Variants in EBF1 observed in about 807,000 individuals in gnomAD.
The protein encoded by EBF1 is EBF transcription factor 1, also known as transcription factor COE1.
Under a neutral mutation model 68.4 loss-of-function variants are expected in EBF1, and 10 were observed. That is an observed-to-expected ratio of 0.15 (90% CI 0.09 to 0.25). The LOEUF is 0.25. Among genes scored for constraint, EBF1 ranks in the 10% least tolerant of loss-of-function variants. The pLI, the probability that EBF1 is intolerant of heterozygous loss-of-function variation, is 1.00. For missense variants in EBF1, 509 were observed against 794.4 expected (o/e 0.64, Z 4.32); for synonymous variants, 298 against 299.8 (o/e 0.99, Z 0.06).
intron 6 of EBF1, among the ~76,000 whole-genome samples, chr5:158,948,610 C>G (rs552972009): frequency 6.6e-6 from 1 of 152,126 alleles, no homozygotes; most frequent in Non-Finnish European, 1.5e-5. Flanking sequence ...GAAATCTGGA[C>G]GTGGACACCA....
chr5:159,086,308 C>A (rs184978340), intron 4 of EBF1, among the ~76,000 whole-genome samples: 1 of 152,110 alleles, frequency 6.6e-6, no homozygotes, highest in Admixed American at 6.6e-5. Context: ...AATTCTCTTA[C>A]ATAACCACAG....
intron 10 of EBF1, among the ~76,000 whole-genome samples, chr5:158,768,830 G>A (rs758503948): frequency 7.2e-5 from 11 of 152,098 alleles, no homozygotes; most frequent in Non-Finnish European, 1.2e-4. Context: ...ACAGTCAAAA[G>A]CTGAAGGGTT....
At chr5:158,912,749 T>C (rs1310483442) in intron 6 of EBF1, among the ~76,000 whole-genome samples, 1 of 152,220 alleles carries the variant, frequency 6.6e-6, no homozygotes, top group East Asian at 1.9e-4. Flanking sequence ...CCACTATGCC[T>C]AATTCCACCT....
chr5:158,800,999 G>A (rs1448823513), intron 8 of EBF1, among the ~76,000 whole-genome samples: 1 of 152,106 alleles, frequency 6.6e-6, no homozygotes, highest in Admixed American at 6.6e-5. Context: ...CGCAAGGCCA[G>A]TGACCCAATT....
chr5:159,095,622 G>C lies in EBF1; in HGVS notation c.409C>G (p.Gln137Glu). The C allele has an allele frequency of 6.2e-7, 1 of 1,613,898 alleles. No homozygotes were observed. Residue 137 changes from glutamine to glutamate, a missense_variant and splice_region_variant, in exon 4 of 16, where the codon CAA (glutamine) becomes GAA (glutamate). Gln to Glu is a conservative substitution (Grantham distance 29, BLOSUM62 2). Around this residue, in one of 3 missense-constraint regions of EBF1, gnomAD observed 230 missense variants for 467.7 expected, o/e 0.49. Transcript: ENST00000313708. ...TGGCCCAAAATCAAGAAACTTACTT[G>C]TTTTGTCATGGAGTCAATGAGGCGC... is the stretch of plus-strand genomic sequence containing the variant. ...YVRLIDSMTK[Q>E]AIVYEGQDKN...
chr5:159,004,907 C>G (rs1187786103), intron 6 of EBF1, among the ~76,000 whole-genome samples: 1 of 152,206 alleles, frequency 6.6e-6, no homozygotes, highest in Non-Finnish European at 1.5e-5. Context: ...GCCCATACTT[C>G]TCAAACAGTC....
intron 6 of EBF1, among the ~76,000 whole-genome samples, chr5:159,033,269 G>A (rs1281469952): frequency 6.6e-6 from 1 of 152,204 alleles, no homozygotes; most frequent in African/African-American, 2.4e-5. Flanking sequence ...CATAACTCCA[G>A]AGCCCCAGCT....
chr5:158,914,987 A>G (rs1234013723), intron 6 of EBF1, among the ~76,000 whole-genome samples: 2 of 152,246 alleles, frequency 1.3e-5, no homozygotes, highest in East Asian at 3.8e-4. Flanking sequence ...ATAATCCTTT[A>G]TAATTAATGA....
intron 10 of EBF1, among the ~76,000 whole-genome samples, chr5:158,759,892 A>C (rs1190471625): frequency 6.6e-6 from 1 of 152,070 alleles, no homozygotes; most frequent in Non-Finnish European, 1.5e-5. Flanking sequence ...GTTTTAATTA[A>C]ATTGGAATTT....
intron 10 of EBF1, among the ~76,000 whole-genome samples, chr5:158,751,274 C>A (rs4704955): frequency 0.28 from 43,128 of 151,684 alleles, 6,572 homozygotes; most frequent in African/African-American, 0.37. Flanking sequence ...TATCTAAGCA[C>A]GTATTAGAGA....
intron 6 of EBF1, among the ~76,000 whole-genome samples, chr5:158,884,906 CT>C (rs1311565218): frequency 6.6e-6 from 1 of 152,212 alleles, no homozygotes; most frequent in East Asian, 1.9e-4. Flanking sequence ...AGTCACCCAG[CT>C]ACTGAGAGGG....
chr5:159,003,462 A>G (rs891825172), intron 6 of EBF1, among the ~76,000 whole-genome samples: 10 of 47,998 alleles, frequency 2.1e-4, no homozygotes, highest in Non-Finnish European at 4.3e-4. Context: ...AACTGCAGGA[A>G]AAAAAAAAAA....
intron 8 of EBF1, among the ~76,000 whole-genome samples, chr5:158,798,094 T>C (rs1779905552): frequency 6.6e-6 from 1 of 152,204 alleles, no homozygotes; most frequent in Non-Finnish European, 1.5e-5. Flanking sequence ...ATAAACTATA[T>C]TTAACAACTA....
intron 6 of EBF1, among the ~76,000 whole-genome samples, chr5:158,917,487 C>T (rs1299890482): frequency 6.6e-6 from 1 of 152,208 alleles, no homozygotes; most frequent in Non-Finnish European, 1.5e-5. Context: ...TAGAGACCAT[C>T]CGGCTTGATG....
chr5:158,769,665 G>A (rs1420140976), intron 10 of EBF1, among the ~76,000 whole-genome samples: 2 of 151,856 alleles, frequency 1.3e-5, no homozygotes, highest in African/African-American at 2.4e-5. Flanking sequence ...AATGCCAGCA[G>A]ATTCAGAATC....
intron 6 of EBF1, among the ~76,000 whole-genome samples, chr5:158,891,704 T>A (rs1428004961): frequency 6.6e-6 from 1 of 152,212 alleles, no homozygotes. Context: ...ATGTGTGTGC[T>A]GTAGACACAC....
At chr5:158,714,771 G>GC (rs1438254089) in intron 11 of EBF1, among the ~76,000 whole-genome samples, 3 of 152,034 alleles carry the variant, frequency 2.0e-5, no homozygotes, top group African/African-American at 7.2e-5. Flanking sequence ...GTCCTCAGAG[G>GC]CCCCCTCTGC....
chr5:158,710,326 C>G (rs1243292177), intron 14 of EBF1, among the ~76,000 whole-genome samples: 1 of 152,172 alleles, frequency 6.6e-6, no homozygotes, highest in Admixed American at 6.5e-5. Flanking sequence ...TCTGCACAGG[C>G]TTGGGGAGGA....
At chr5:159,066,039 G>A (rs1231365489) in intron 6 of EBF1, among the ~76,000 whole-genome samples, 1 of 152,114 alleles carries the variant, frequency 6.6e-6, no homozygotes, top group Non-Finnish European at 1.5e-5. Flanking sequence ...AAGAGGAAAA[G>A]CAAAGCTAAG....
Sources: gnomAD v4.1 joint callset for allele counts (sites outside exome capture counted in the v4.1 genomes callset) on GRCh38, gnomAD v4.1.1 for gene constraint, gnomAD v4.1.1 regional missense constraint, MANE v1.5 for transcripts, NCBI Gene and HGNC (gene_info 2026-07-23, HGNC 2026-07-21) for gene names.